EBF4: variants seen among roughly 807,000 people sequenced by gnomAD.
EBF4 encodes EBF transcription factor 4.
Under a neutral mutation model 67.1 loss-of-function variants are expected in EBF4, and 34 were observed. The ratio of observed to expected loss-of-function variants is 0.51; its 90% confidence interval spans 0.39 to 0.67. The LOEUF (loss-of-function observed/expected upper bound fraction) is 0.67. EBF4 is among the 30% of genes least tolerant of loss of function. The pLI, the probability that EBF4 is intolerant of heterozygous loss-of-function variation, is 0.00. For missense variants in EBF4, 837 were observed against 873.3 expected (o/e 0.96, Z 0.52); for synonymous variants, 387 against 377.7 (o/e 1.02, Z -0.29).
At chr20:2,732,148 G>A (rs528456407) in intron 6 of EBF4, among the ~76,000 whole-genome samples, 1 of 151,848 alleles carries the variant, frequency 6.6e-6, no homozygotes, top group South Asian at 2.1e-4. Flanking sequence ...AGTTGACCAG[G>A]CTAGAGTGCA....
At chr20:2,758,370 TC>T (rs1213570901) in intron 15 of EBF4, among the ~76,000 whole-genome samples, 1 of 152,162 alleles carries the variant, frequency 6.6e-6, no homozygotes, top group Non-Finnish European at 1.5e-5. Flanking sequence ...TTGCCTTATT[TC>T]CAAGTTTTGG....
At chr20:2,736,978 G>A (rs147349876) in intron 6 of EBF4, among the ~76,000 whole-genome samples, 80 of 152,226 alleles carry the variant, frequency 5.3e-4, no homozygotes, top group African/African-American at 1.3e-3. Context: ...GACCGGGCGC[G>A]GTGGCTCACG....
chr20:2,744,732 T>C (rs1193699108), intron 6 of EBF4, among the ~76,000 whole-genome samples: 2 of 152,026 alleles, frequency 1.3e-5, no homozygotes, highest in Non-Finnish European at 2.9e-5. Context: ...CCTCAAGCGA[T>C]CCACCCACCT....
chr20:2,714,725 C>T (rs1375680062), intron 6 of EBF4, among the ~76,000 whole-genome samples: 1 of 152,138 alleles, frequency 6.6e-6, no homozygotes, highest in East Asian at 1.9e-4. Flanking sequence ...ATGAAATTAT[C>T]CCTTTGTGAT....
intron 6 of EBF4, among the ~76,000 whole-genome samples, chr20:2,740,648 G>A (rs1186134460): frequency 2.6e-5 from 4 of 152,204 alleles, no homozygotes; most frequent in African/African-American, 9.7e-5. Flanking sequence ...TTTTCTTAGG[G>A]TGGGATTCCT....
chr20:2,693,514 A>C, upstream of EBF4: 1 of 1,142,488 alleles, frequency 8.8e-7, no homozygotes, highest in Non-Finnish European at 1.1e-6. This position sits in a 1 kb window ranked among gnomAD's most constrained non-coding sequence, Gnocchi z 4.6. Flanking sequence ...GCGAGCGCGC[A>C]CTGAGCCACC....
intron 1 of EBF4, among the ~76,000 whole-genome samples, chr20:2,702,947 C>A (rs568151909): frequency 6.6e-6 from 1 of 152,126 alleles, no homozygotes; most frequent in African/African-American, 2.4e-5. Context: ...GAAACCATGA[C>A]CCTCAACAAA....
chr20:2,750,050 G>A, intron 10 of EBF4, 77 bp downstream of exon 10: 2 of 1,468,818 alleles, frequency 1.4e-6, no homozygotes, highest in Non-Finnish European at 1.8e-6. Context: ...CTCCGTTCTT[G>A]GTGATAGGAG....
intron 6 of EBF4, among the ~76,000 whole-genome samples, chr20:2,717,387 A>G (rs540978201): frequency 6.6e-6 from 1 of 152,334 alleles, no homozygotes; most frequent in East Asian, 1.9e-4. Flanking sequence ...AAATGAAAAA[A>G]TAGAGAAAAA....
rs139734209 is a variant in EBF4 at position 2,741,650 on chromosome 20, G to A, written c.558-6899G>A. Among the ~76,000 whole-genome samples the A allele has an allele frequency of 5.6e-3, 853 of 152,284 alleles. 7 individuals carry two copies. The highest frequency in any genetic ancestry group is 7.1e-3 in the Non-Finnish European group (481 of 68,022). ...GATTACGAAGGCTAAACCAAGTTCA[G>A]GATGTGGTAAGGTGGGTGTGTGGGT... On this transcript the variant is annotated intron_variant, in intron 6 of 16. Transcript: ENST00000609451.
intron 6 of EBF4, among the ~76,000 whole-genome samples, chr20:2,720,347 C>T (rs59626215): frequency 4.7e-4 from 72 of 152,114 alleles, no homozygotes; most frequent in African/African-American, 1.6e-3. Flanking sequence ...CCCCCTGCCT[C>T]GGCCTCCCAA....
chr20:2,732,101 C>A (rs76378407), intron 6 of EBF4, among the ~76,000 whole-genome samples: 1 of 144,298 alleles, frequency 6.9e-6, no homozygotes, highest in Non-Finnish European at 1.5e-5. Context: ...GATACATGTG[C>A]TTTTTTTTTT....
chr20:2,725,531 G>T (rs1246269989), intron 6 of EBF4, among the ~76,000 whole-genome samples: 1 of 152,138 alleles, frequency 6.6e-6, no homozygotes, highest in Non-Finnish European at 1.5e-5. Flanking sequence ...AATATCTGAA[G>T]TCCTTGGGGC....
intron 6 of EBF4, among the ~76,000 whole-genome samples, chr20:2,736,725 T>G (rs537221233): frequency 1.3e-5 from 2 of 152,252 alleles, no homozygotes; most frequent in Admixed American, 1.3e-4. Context: ...CACCACTCTT[T>G]TCAGAGCTGA....
At chr20:2,729,376 C>T (rs1463387078) in intron 6 of EBF4, among the ~76,000 whole-genome samples, 2 of 152,166 alleles carry the variant, frequency 1.3e-5, no homozygotes, top group East Asian at 1.9e-4. Flanking sequence ...TGTCTGGCCC[C>T]GCTTAGCTAC....
At chr20:2,741,348 C>T (rs1193709768) in intron 6 of EBF4, among the ~76,000 whole-genome samples, 1 of 152,060 alleles carries the variant, frequency 6.6e-6, no homozygotes, top group Non-Finnish European at 1.5e-5. Flanking sequence ...CTGCCTTCTA[C>T]CCCCTGAAAA....
intron 10 of EBF4, among the ~76,000 whole-genome samples, chr20:2,750,219 T>TC (rs1408109366): frequency 1.3e-5 from 2 of 151,166 alleles, no homozygotes; most frequent in South Asian, 2.1e-4. Flanking sequence ...CGGGGCAAAG[T>TC]CCCCCCCACA....
intron 1 of EBF4, among the ~76,000 whole-genome samples, chr20:2,698,520 G>T (rs1412141815): frequency 6.6e-6 from 1 of 152,190 alleles, no homozygotes; most frequent in Admixed American, 6.5e-5. Flanking sequence ...GGGGTCCAGA[G>T]GGTGCCTGCA....
intron 7 of EBF4, 65 bp downstream of exon 7, chr20:2,748,695 GGA>G: frequency 6.6e-7 from 1 of 1,511,178 alleles, no homozygotes; most frequent in African/African-American, 1.4e-5. Context: ...GAGGGGAGGG[GGA>G]AGGGAAGGCT....
Sources: gnomAD v4.1 joint callset for allele counts (sites outside exome capture counted in the v4.1 genomes callset) on GRCh38, gnomAD v4.1.1 for gene constraint, Gnocchi (gnomAD v3.1) non-coding constraint, MANE v1.5 for transcripts, NCBI Gene and HGNC (gene_info 2026-07-23, HGNC 2026-07-21) for gene names.